Variants in TSHZ2 observed in about 807,000 individuals in gnomAD.
TSHZ2 encodes the protein teashirt homolog 2.
In TSHZ2, 21 loss-of-function variants were observed where a neutral mutation model predicts 74.4. The ratio of observed to expected loss-of-function variants is 0.28; its 90% confidence interval spans 0.20 to 0.41. TSHZ2 has a LOEUF of 0.41. Ranked by LOEUF, TSHZ2 falls within the 10% of genes least tolerant of loss-of-function variation. The pLI, the probability that TSHZ2 is intolerant of heterozygous loss-of-function variation, is 1.00. For synonymous variants in TSHZ2, 540 were observed against 515.3 expected, an observed-to-expected ratio of 1.05 and a Z score of -0.65; for missense variants, 1,244 against 1,293.5, an observed-to-expected ratio of 0.96 and a Z score of 0.59.
At chr20:53,308,024 G>C (rs1039092323) in intron 2 of TSHZ2, among the ~76,000 whole-genome samples, 1 of 152,156 alleles carries the variant, frequency 6.6e-6, no homozygotes, top group Non-Finnish European at 1.5e-5. Context: ...AGTGCATCCC[G>C]CTGTGTTTAT....
intron 1 of TSHZ2, among the ~76,000 whole-genome samples, chr20:53,160,821 A>G (rs1402527885): frequency 6.6e-6 from 1 of 151,046 alleles, no homozygotes; most frequent in Non-Finnish European, 1.5e-5. Flanking sequence ...CTCTGGAAAC[A>G]TTTTTCTTTT....
intron 1 of TSHZ2, among the ~76,000 whole-genome samples, chr20:53,122,923 G>C (rs1332006896): frequency 7.2e-5 from 11 of 152,124 alleles, no homozygotes; most frequent in African/African-American, 2.7e-4. Flanking sequence ...AATTCTCTAA[G>C]CTTCCCTAGA....
chr20:53,210,996 A>G (rs1989290545), intron 1 of TSHZ2, among the ~76,000 whole-genome samples: 1 of 152,172 alleles, frequency 6.6e-6, no homozygotes, highest in Admixed American at 6.5e-5. Context: ...AAAAAAAGAG[A>G]AAAAACAAAT....
intron 1 of TSHZ2, among the ~76,000 whole-genome samples, chr20:53,102,091 C>T (rs771869475): frequency 5.3e-5 from 8 of 152,030 alleles, no homozygotes; most frequent in Non-Finnish European, 7.4e-5. Flanking sequence ...TGGCAAATTT[C>T]CAGCACCTAA....
intron 2 of TSHZ2, among the ~76,000 whole-genome samples, chr20:53,324,956 C>T (rs1979430717): frequency 6.6e-6 from 1 of 152,138 alleles, no homozygotes; most frequent in Non-Finnish European, 1.5e-5. Flanking sequence ...AACAGAGTGA[C>T]AACAGTCAAT....
At chr20:53,087,029 G>A (rs972086405) in intron 1 of TSHZ2, among the ~76,000 whole-genome samples, 13 of 152,108 alleles carry the variant, frequency 8.5e-5, no homozygotes, top group Admixed American at 1.3e-4. Context: ...ATGGCTCTGC[G>A]GAGAAAGGAA....
chr20:53,390,654 A>G (rs1335787444), intron 2 of TSHZ2, among the ~76,000 whole-genome samples: 2 of 152,202 alleles, frequency 1.3e-5, no homozygotes, highest in Non-Finnish European at 2.9e-5. Flanking sequence ...CTTTGGGATT[A>G]TAATGGACCC....
At chr20:53,372,061 AG>A (rs1030356106) in intron 2 of TSHZ2, among the ~76,000 whole-genome samples, 8 of 152,090 alleles carry the variant, frequency 5.3e-5, no homozygotes, top group Admixed American at 4.6e-4. Context: ...TCATTGAATT[AG>A]GGCCCACCCT....
At chr20:53,334,791 C>A (rs1245895675) in intron 2 of TSHZ2, among the ~76,000 whole-genome samples, 1 of 152,004 alleles carries the variant, frequency 6.6e-6, no homozygotes, top group Non-Finnish European at 1.5e-5. Flanking sequence ...TCAAGCGATT[C>A]TCTTGCCTCA....
chr20:53,371,084 C>G (rs1423058396), intron 2 of TSHZ2, among the ~76,000 whole-genome samples: 3 of 152,124 alleles, frequency 2.0e-5, no homozygotes, highest in African/African-American at 4.8e-5. Context: ...GGTCTCCGTC[C>G]TCTCTTCTTA....
chr20:53,321,200 TA>T (rs1979246225), intron 2 of TSHZ2, among the ~76,000 whole-genome samples: 1 of 152,198 alleles, frequency 6.6e-6, no homozygotes, highest in Non-Finnish European at 1.5e-5. Context: ...ACAATGTTCA[TA>T]GTAATTCATC....
At chr20:53,036,538 TAGAA>T (rs1296943154) in intron 1 of TSHZ2, among the ~76,000 whole-genome samples, 19 of 150,416 alleles carry the variant, frequency 1.3e-4, no homozygotes, top group East Asian at 3.9e-4. Context: ...ACATATATAT[TAGAA>T]AGAATTAGAA....
intron 1 of TSHZ2, among the ~76,000 whole-genome samples, chr20:53,170,760 G>A (rs529453759): frequency 6.6e-6 from 1 of 152,082 alleles, no homozygotes; most frequent in Admixed American, 6.6e-5. Context: ...TAATGAAAGG[G>A]CATTGGTTTG....
At chr20:53,219,192 T>G (rs1289609623) in intron 1 of TSHZ2, among the ~76,000 whole-genome samples, 1 of 152,228 alleles carries the variant, frequency 6.6e-6, no homozygotes, top group Non-Finnish European at 1.5e-5. Context: ...CAGAGTCTAT[T>G]GAAATGCTGT....
chr20:53,422,124 G>A (rs1317505549), intron 2 of TSHZ2, among the ~76,000 whole-genome samples: 1 of 152,000 alleles, frequency 6.6e-6, no homozygotes, highest in Non-Finnish European at 1.5e-5. Flanking sequence ...TCCTGTCTAT[G>A]GCTAGCTGGA....
intron 2 of TSHZ2, among the ~76,000 whole-genome samples, chr20:53,275,500 G>A (rs1008236100): frequency 6.6e-5 from 10 of 152,114 alleles, no homozygotes; most frequent in African/African-American, 2.4e-4. Context: ...GGGATTTAGA[G>A]GGGTGGAGGT....
At chr20:53,115,208 TG>T in intron 1 of TSHZ2, among the ~76,000 whole-genome samples, 1 of 152,304 alleles carries the variant, frequency 6.6e-6, no homozygotes, top group East Asian at 1.9e-4. Flanking sequence ...GCCATAAATA[TG>T]TGATTGAATT....
At chr20:53,333,206 T>G (rs1292046010) in intron 2 of TSHZ2, among the ~76,000 whole-genome samples, 1 of 152,236 alleles carries the variant, frequency 6.6e-6, no homozygotes, top group Non-Finnish European at 1.5e-5. Flanking sequence ...TATTTAGAGC[T>G]TTGCAAAATC....
At chr20:53,333,026 C>T (rs1271314237) in intron 2 of TSHZ2, among the ~76,000 whole-genome samples, 1 of 152,162 alleles carries the variant, frequency 6.6e-6, no homozygotes, top group African/African-American at 2.4e-5. Context: ...GGGGCTGCCT[C>T]CTTCTCAGAA....
Sources: allele counts gnomAD v4.1 joint callset (sites outside exome capture counted in the v4.1 genomes callset), GRCh38; gene constraint gnomAD v4.1.1; transcripts MANE v1.5; gene names NCBI Gene and HGNC (gene_info 2026-07-23, HGNC 2026-07-21).